MMP26: variants seen among roughly 807,000 people sequenced by gnomAD.
The protein encoded by MMP26 is matrix metalloproteinase-26.
MMP26 carries 33 observed loss-of-function variants against 31.0 expected under a neutral mutation model. The ratio of observed to expected loss-of-function variants is 1.06; its 90% CI spans 0.81 to 1.42. The LOEUF is 1.42. Ranked by LOEUF, MMP26 falls within the 40% of genes most tolerant of loss-of-function variation. The pLI is 0.00. For synonymous variants in MMP26, 122 were observed against 114.9 expected, an observed-to-expected ratio of 1.06 and a Z score of -0.40; for missense variants, 347 against 316.1, an observed-to-expected ratio of 1.10 and a Z score of -0.74.
At chr11:4,889,485 G>C (rs1005254454) in intron 2 of MMP26, 2 of 152,142 alleles carry the variant, frequency 1.3e-5, no homozygotes, top group Non-Finnish European at 2.9e-5. Flanking sequence ...AAGGCCAACT[G>C]TGTATGAATA....
At chr11:4,769,261 T>A (rs1487255857) in intron 2 of MMP26, 2 of 1,613,630 alleles carry the variant, frequency 1.2e-6, no homozygotes, top group African/African-American at 1.3e-5. Flanking sequence ...TTAAGATATA[T>A]GACAGGACAA....
intron 2 of MMP26, among the ~76,000 whole-genome samples, chr11:4,855,980 T>C (rs1438550409): frequency 1.3e-5 from 2 of 152,248 alleles, no homozygotes; most frequent in East Asian, 3.9e-4. Context: ...CTAAGCTTCA[T>C]AAGTGAAGGA....
chr11:4,735,301 T>G (rs1370475738), intron 1 of MMP26, among the ~76,000 whole-genome samples: 1 of 152,232 alleles, frequency 6.6e-6, no homozygotes, highest in Non-Finnish European at 1.5e-5. Context: ...AATGGTTATG[T>G]CTATATCACT....
chr11:4,862,418 G>A (rs1850174894), intron 2 of MMP26, among the ~76,000 whole-genome samples: 1 of 151,890 alleles, frequency 6.6e-6, no homozygotes, highest in Middle Eastern at 3.2e-3. Context: ...ATGGATGATT[G>A]AATGTCAATC....
chr11:4,708,833 T>A (rs1012191956), intron 1 of MMP26, among the ~76,000 whole-genome samples: 2 of 152,214 alleles, frequency 1.3e-5, no homozygotes, highest in African/African-American at 2.4e-5. Context: ...TTCCAATGAA[T>A]TCCTTTGTTC....
chr11:4,728,260 A>G (rs1411218723), intron 1 of MMP26, among the ~76,000 whole-genome samples: 1 of 152,234 alleles, frequency 6.6e-6, no homozygotes, highest in Non-Finnish European at 1.5e-5. Context: ...GAAGAAATTA[A>G]AACTTACACA....
At chr11:4,937,598 TG>T (rs34522077) in intron 2 of MMP26, 20,325 of 152,752 alleles carry the variant, frequency 0.13, 1,488 homozygotes, top group South Asian at 0.17. Flanking sequence ...AACTGCTGTC[TG>T]GGGGTAGCAA....
intron 2 of MMP26, among the ~76,000 whole-genome samples, chr11:4,853,344 T>C (rs1350477970): frequency 1.3e-5 from 2 of 152,126 alleles, no homozygotes; most frequent in African/African-American, 4.8e-5. Flanking sequence ...TTGTACACCT[T>C]GAATATAGAC....
At chr11:4,859,679 T>C (rs1394626684) in intron 2 of MMP26, 1 of 470,590 alleles carries the variant, frequency 2.1e-6, no homozygotes, top group East Asian at 6.9e-5. Flanking sequence ...GTCTTCACAC[T>C]GTAGACAATG....
At chr11:4,790,483 C>T (rs1367463797) in intron 2 of MMP26, among the ~76,000 whole-genome samples, 4 of 152,204 alleles carry the variant, frequency 2.6e-5, no homozygotes, top group South Asian at 4.1e-4. Context: ...CAGTAGGTCA[C>T]ACTTAGAAAT....
chr11:4,935,030 T>G (rs1414187150), intron 2 of MMP26, among the ~76,000 whole-genome samples: 1 of 151,740 alleles, frequency 6.6e-6, no homozygotes, highest in Non-Finnish European at 1.5e-5. Context: ...GCTTTGTTCT[T>G]TTGGCTTAGG....
chr11:4,892,836 G>A (rs1269826639), intron 2 of MMP26, among the ~76,000 whole-genome samples: 1 of 152,070 alleles, frequency 6.6e-6, no homozygotes, highest in Non-Finnish European at 1.5e-5. Flanking sequence ...TTACTCAACT[G>A]TTCAGATCTG....
intron 2 of MMP26, among the ~76,000 whole-genome samples, chr11:4,771,042 C>T (rs1049684862): frequency 6.6e-6 from 1 of 151,950 alleles, no homozygotes; most frequent in Non-Finnish European, 1.5e-5. Flanking sequence ...AGTGGAGGTA[C>T]GGTTTATTTT....
At chr11:4,929,226 T>C (rs1258064574) in intron 2 of MMP26, among the ~76,000 whole-genome samples, 1 of 152,104 alleles carries the variant, frequency 6.6e-6, no homozygotes, top group African/African-American at 2.4e-5. Context: ...CAACACATCA[T>C]TTATGGGAAT....
At chr11:4,767,553 A>T (rs1400183938) in intron 2 of MMP26, among the ~76,000 whole-genome samples, 1 of 152,218 alleles carries the variant, frequency 6.6e-6, no homozygotes, top group African/African-American at 2.4e-5. Flanking sequence ...CTGAATATTT[A>T]AAAACAGAAA....
intron 2 of MMP26, among the ~76,000 whole-genome samples, chr11:4,826,912 A>T (rs1849585036): frequency 6.6e-6 from 1 of 152,078 alleles, no homozygotes; most frequent in Non-Finnish European, 1.5e-5. Flanking sequence ...GAAACAGTTA[A>T]TCCATTGGAT....
chr11:4,906,256 A>G (rs992015121), intron 2 of MMP26, among the ~76,000 whole-genome samples: 2 of 152,182 alleles, frequency 1.3e-5, no homozygotes, highest in Non-Finnish European at 2.9e-5. Context: ...ATTGGAAACT[A>G]CTGTGTAATC....
chr11:4,714,568 C>T (rs1305000083), intron 1 of MMP26, among the ~76,000 whole-genome samples: 1 of 152,150 alleles, frequency 6.6e-6, no homozygotes, highest in African/African-American at 2.4e-5. Context: ...TTGTTTAATC[C>T]TTACAAAGTA....
At chr11:4,769,116 G>C in intron 2 of MMP26, 1 of 1,605,002 alleles carries the variant, frequency 6.2e-7, no homozygotes, top group Middle Eastern at 1.7e-4. Context: ...GGGGCTGACC[G>C]ACCATAGCGA....
Sources: allele counts gnomAD v4.1 joint callset (sites outside exome capture counted in the v4.1 genomes callset), GRCh38; gene constraint gnomAD v4.1.1; transcripts MANE v1.5; gene names NCBI Gene and HGNC (gene_info 2026-07-23, HGNC 2026-07-21).